PHEX: variants seen among roughly 807,000 people sequenced by gnomAD.
PHEX encodes the protein phosphate-regulating neutral endopeptidase PHEX.
Under a neutral mutation model 68.0 loss-of-function variants are expected in PHEX, and 16 were observed. The ratio of observed to expected loss-of-function variants is 0.24; its 90% CI spans 0.16 to 0.36. The LOEUF (loss-of-function observed/expected upper bound fraction) is 0.36. Among genes scored for constraint, PHEX ranks in the 10% least tolerant of loss-of-function variants. PHEX has a pLI of 1.00. For synonymous variants in PHEX, 208 were observed against 205.1 expected (o/e 1.01, Z -0.12); for missense variants, 480 against 575.5 (o/e 0.83, Z 1.70).
At chrX:22,181,688 G>T (rs929872752) in intron 14 of PHEX, among the ~76,000 whole-genome samples, 10 of 111,824 alleles carry the variant, frequency 8.9e-5, no homozygotes, top group Non-Finnish European at 1.9e-4. Flanking sequence ...CGTTTTCACA[G>T]TATTGATTCT....
Position 22,249,455 on chromosome X carries a change from A to AAAAAAAAAAATATATATAT in PHEX, c.*1503_*1504insAAAAAAAAATATATATATA. ...TTGTGATTCTTTTAAAAAAAAAAAA[A>AAAAAAAAAAATATATATAT]ATATATATATATATATATATATATA... On this transcript the variant is annotated 3_prime_UTR_variant, in exon 22 of 22. Transcript: ENST00000379374. The AAAAAAAAAAATATATATAT allele has an allele frequency of 2.5e-5, 1 of 39,764 alleles. No homozygotes were observed. The highest frequency in any genetic ancestry group is 1.7e-4 in the African/African-American group (1 of 6,007). 3.3% of individuals were successfully genotyped at this position (39,764 alleles called of 1,213,427 possible). A position where few individuals can be genotyped will look rare whatever the true frequency, so the allele number is the denominator to read the frequency against.
chrX:22,175,785 C>G (rs997199158), intron 13 of PHEX, among the ~76,000 whole-genome samples: 2 of 111,403 alleles, frequency 1.8e-5, no homozygotes, highest in Non-Finnish European at 3.8e-5. Flanking sequence ...AAAACTGACC[C>G]CACTGATATT....
chrX:22,099,082 A>G lies in PHEX; in HGVS notation c.1010A>G (p.Glu337Gly), dbSNP rs1409731254. The G allele has an allele frequency of 1.7e-6, 2 of 1,208,066 alleles. No individual in the cohort carries two copies. The highest frequency in any genetic ancestry group is 4.3e-5 in the Admixed American group (2 of 46,008). Residue 337 changes from glutamate to glycine, a missense_variant, in exon 9 of 22, where the codon GAG becomes GGG. Glu to Gly is a moderately conservative substitution (Grantham distance 98, BLOSUM62 -2). Coordinates refer to ENST00000379374, the MANE Select transcript of PHEX (RefSeq NM_000444.6). ...YPHLKDISPSENVVVRVPQYF... is the reference protein window; with the variant it reads ...YPHLKDISPSGNVVVRVPQYF... Reference sequence around the variant, plus strand: ...CATCTGAAAGACATCAGCCCCTCCGAGAATGTGGTGGTCCGCGTCCCGCAG... The same window carrying G: ...CATCTGAAAGACATCAGCCCCTCCGGGAATGTGGTGGTCCGCGTCCCGCAG...
chrX:22,079,724 G>T (rs1268579741), intron 5 of PHEX, among the ~76,000 whole-genome samples: 1 of 111,416 alleles, frequency 9.0e-6, no homozygotes, highest in Non-Finnish European at 1.9e-5. Flanking sequence ...ACATTTATTT[G>T]TTGAAGAAAC....
intron 15 of PHEX, among the ~76,000 whole-genome samples, chrX:22,196,793 AT>A (rs780483064): frequency 8.9e-6 from 1 of 112,087 alleles, no homozygotes; most frequent in Non-Finnish European, 1.9e-5. Context: ...TACACAAGGG[AT>A]TTTTTTCCCC....
At chrX:22,070,283 CCAGAATCAGAGGGCA>C (rs1301990484) in intron 3 of PHEX, among the ~76,000 whole-genome samples, 1 of 111,204 alleles carries the variant, frequency 9.0e-6, no homozygotes, top group East Asian at 2.8e-4. Flanking sequence ...CTTTTTTTCA[CCAGAATCAGAGGGCA>C]CTCCCTCTGA....
At chrX:22,084,269 A>G (rs1929519498) in intron 5 of PHEX, among the ~76,000 whole-genome samples, 1 of 111,781 alleles carries the variant, frequency 8.9e-6, no homozygotes, top group African/African-American at 3.3e-5. Context: ...CTACAGGTGC[A>G]TGCCACTGCA....
At chrX:22,179,039 A>T (rs993740943) in intron 14 of PHEX, among the ~76,000 whole-genome samples, 2 of 112,027 alleles carry the variant, frequency 1.8e-5, no homozygotes, top group East Asian at 5.6e-4. Context: ...ACAATTTTTA[A>T]TTCATTTTAT....
intron 3 of PHEX, among the ~76,000 whole-genome samples, chrX:22,050,233 T>C (rs1027646169): frequency 6.2e-5 from 7 of 112,444 alleles, no homozygotes; most frequent in Non-Finnish European, 1.1e-4. Context: ...TATTAGTTGA[T>C]AGCTCCTTGG....
intron 15 of PHEX, among the ~76,000 whole-genome samples, chrX:22,192,704 A>G (rs1934239989): frequency 9.0e-6 from 1 of 111,362 alleles, no homozygotes; most frequent in Non-Finnish European, 1.9e-5. Flanking sequence ...CATTTCCTTC[A>G]AATCTTTATT....
intron 15 of PHEX, among the ~76,000 whole-genome samples, chrX:22,211,664 A>G (rs1311671266): frequency 8.9e-6 from 1 of 112,389 alleles, no homozygotes; most frequent in Non-Finnish European, 1.9e-5. Flanking sequence ...AAGAAGGACT[A>G]AAAGGAAAAG....
At chrX:22,073,136 A>G (rs1404647107) in intron 3 of PHEX, among the ~76,000 whole-genome samples, 1 of 111,618 alleles carries the variant, frequency 9.0e-6, no homozygotes, top group Admixed American at 9.6e-5. Flanking sequence ...TTGGCCAACA[A>G]TATCCTGAGA....
chrX:22,067,700 C>T (rs1928671248), intron 3 of PHEX, among the ~76,000 whole-genome samples: 1 of 111,591 alleles, frequency 9.0e-6, no homozygotes, highest in South Asian at 3.8e-4. Flanking sequence ...AGTGTATTCC[C>T]CCGATCTGCA....
In PHEX at chrX:22,231,614, G is replaced by GAT. The variant is rs780402895; in HGVS notation, c.2070+4006_2070+4007dup. On this transcript the variant is annotated intron_variant, in intron 20 of 21. Transcript: ENST00000379374. Reference sequence around the variant, plus strand: ...TTTGAATTTCTGTGGGATTCTTGGTGATATCCCCTTTATCATTTTTTATTG... The same window carrying GAT: ...TTTGAATTTCTGTGGGATTCTTGGTGATATATCCCCTTTATCATTTTTTATTG... Among the ~76,000 whole-genome samples, 3 of 111,631 alleles carry GAT rather than the reference G, an allele frequency of 2.7e-5. No individual in the cohort carries two copies. In the South Asian group the frequency reaches 1.1e-3, roughly 42 times the overall value.
chrX:22,116,955 C>T (rs1198867067), intron 11 of PHEX, among the ~76,000 whole-genome samples: 1 of 111,428 alleles, frequency 9.0e-6, no homozygotes, highest in Non-Finnish European at 1.9e-5. Flanking sequence ...AACAAGTTTA[C>T]TGGGGTCTAA....
chrX:22,205,763 T>A (rs1260387551), intron 15 of PHEX, among the ~76,000 whole-genome samples: 3 of 111,416 alleles, frequency 2.7e-5, no homozygotes, highest in Non-Finnish European at 5.7e-5. Context: ...ATTTTCTGTA[T>A]GATAACTTTT....
intron 3 of PHEX, among the ~76,000 whole-genome samples, chrX:22,056,471 T>C (rs754278804): frequency 6.3e-5 from 7 of 110,970 alleles, no homozygotes; most frequent in African/African-American, 2.3e-4. Flanking sequence ...AGAGGCATTG[T>C]GTTAGACACA....
chrX:22,035,999 TACAC>T lies in PHEX; in HGVS notation c.119-2441_119-2438del, dbSNP rs767503875. Among the ~76,000 whole-genome samples the T allele has an allele frequency of 5.0e-3, 386 of 76,487 alleles. 1 individual carries two copies. The highest frequency in any genetic ancestry group is 7.3e-3 in the Non-Finnish European group (304 of 41,704). 66.4% of individuals were successfully genotyped at this position (76,487 alleles called of 115,157 possible). On this transcript the variant is annotated intron_variant, in intron 1 of 21. Coordinates refer to ENST00000379374, the MANE Select transcript of PHEX (RefSeq NM_000444.6). The stretch of plus-strand genomic sequence containing the variant: ...TGTCAGTGTCCCAATTAATTAATTA[TACAC>T]ACACACACACACACACACACACACA...
rs999211830 is a variant in PHEX at position 22,248,553 on chromosome X, G to T, written c.*600G>T. ...CTTTGGAGTCTGTTGGAATGAAACT[G>T]TGTCTCACAGCTTGCATCTGATGTA... On this transcript the variant is annotated 3_prime_UTR_variant, in exon 22 of 22. Transcript: ENST00000379374. 1.7e-5 allele frequency: 2 copies of T among 116,600 alleles called. No homozygotes were observed. The highest frequency in any genetic ancestry group is 6.5e-5 in the African/African-American group (2 of 30,968). 9.6% of individuals were successfully genotyped at this position (116,600 alleles called of 1,213,427 possible).
Sources: gnomAD v4.1 joint callset for allele counts (sites outside exome capture counted in the v4.1 genomes callset) on GRCh38, gnomAD v4.1.1 for gene constraint, MANE v1.5 for transcripts, NCBI Gene and HGNC (gene_info 2026-07-23, HGNC 2026-07-21) for gene names.